CCDC167: variants seen among roughly 807,000 people sequenced by gnomAD.
The protein encoded by CCDC167 is coiled-coil domain containing 167, also known as coiled-coil domain-containing protein 167.
In CCDC167, 15 loss-of-function variants were observed where a neutral mutation model predicts 12.7. The observed-to-expected ratio is 1.18, with a 90% confidence interval of 0.79 to 1.81. CCDC167 has a LOEUF of 1.81. Ranked by LOEUF, CCDC167 falls within the 40% of genes most tolerant of loss-of-function variation. The pLI, the probability that CCDC167 is intolerant of heterozygous loss-of-function variation, is 0.00. For synonymous variants in CCDC167, 52 were observed against 49.0 expected, an observed-to-expected ratio of 1.06 and a Z score of -0.26; for missense variants, 121 against 120.1, an observed-to-expected ratio of 1.01 and a Z score of -0.03.
intron 1 of CCDC167, among the ~76,000 whole-genome samples, chr6:37,492,107 T>C (rs1393814931): frequency 6.6e-6 from 1 of 152,214 alleles, no homozygotes; most frequent in Non-Finnish European, 1.5e-5. Flanking sequence ...CAAGCTCCCT[T>C]GCAGAGGTTT....
chr6:37,485,249 C>G, intron 1 of CCDC167, 55 bp from the exon 2 acceptor site: 1 of 1,382,904 alleles, frequency 7.2e-7, no homozygotes, highest in Non-Finnish European at 1.0e-6. Flanking sequence ...TCTCAAAACA[C>G]TGGGACTGGG....
intron 1 of CCDC167, among the ~76,000 whole-genome samples, chr6:37,486,283 G>A (rs1004247355): frequency 2.0e-5 from 3 of 152,238 alleles, no homozygotes; most frequent in Non-Finnish European, 4.4e-5. Context: ...AGAAGTCAGG[G>A]TGGGGCACCC....
At chr6:37,489,212 G>A (rs1233095440) in intron 1 of CCDC167, among the ~76,000 whole-genome samples, 1 of 151,286 alleles carries the variant, frequency 6.6e-6, no homozygotes, top group Non-Finnish European at 1.5e-5. Flanking sequence ...CTCCAGCCTG[G>A]GTGACAGAGC....
chr6:37,493,564 G>A (rs905229025), intron 1 of CCDC167, among the ~76,000 whole-genome samples: 3 of 152,368 alleles, frequency 2.0e-5, no homozygotes, highest in African/African-American at 7.2e-5. Context: ...CCTGCCCAAT[G>A]GCGACCTGTC....
intron 1 of CCDC167, among the ~76,000 whole-genome samples, chr6:37,496,269 C>A (rs1455667944): frequency 6.6e-6 from 1 of 151,904 alleles, no homozygotes; most frequent in African/African-American, 2.4e-5. Context: ...CCCGTCTCTA[C>A]TAAAAATACA....
intron 1 of CCDC167, among the ~76,000 whole-genome samples, chr6:37,485,862 A>G (rs1761936165): frequency 6.6e-6 from 1 of 152,270 alleles, no homozygotes; most frequent in Admixed American, 6.5e-5. Context: ...CCATCAAGGT[A>G]GCAAAATAGT....
At chr6:37,492,574 C>A (rs756202) in intron 1 of CCDC167, among the ~76,000 whole-genome samples, 109,908 of 152,146 alleles carry the variant, frequency 0.72, 40,316 homozygotes, top group African/African-American at 0.83. Context: ...AGTTTGGAGA[C>A]GGAAAAAGGT....
chr6:37,484,567 A>G (rs1761916911), intron 3 of CCDC167, among the ~76,000 whole-genome samples: 1 of 152,158 alleles, frequency 6.6e-6, no homozygotes, highest in Non-Finnish European at 1.5e-5. Context: ...CCACGGCCAC[A>G]TCCCTTCATC....
chr6:37,486,760 G>T (rs1316053176), intron 1 of CCDC167, among the ~76,000 whole-genome samples: 1 of 152,190 alleles, frequency 6.6e-6, no homozygotes, highest in Non-Finnish European at 1.5e-5. Context: ...GAGGCCAAAG[G>T]CCTACCTAGA....
At chr6:37,489,498 C>T (rs1372505095) in intron 1 of CCDC167, among the ~76,000 whole-genome samples, 1 of 152,200 alleles carries the variant, frequency 6.6e-6, no homozygotes, top group African/African-American at 2.4e-5. Flanking sequence ...TGGGGTGGGC[C>T]TCTGGAGCCA....
intron 1 of CCDC167, among the ~76,000 whole-genome samples, 175 bp downstream of exon 1, chr6:37,499,647 C>T (rs1014346587): frequency 6.6e-6 from 1 of 152,170 alleles, no homozygotes; most frequent in African/African-American, 2.4e-5. Flanking sequence ...CTCGGGCTCC[C>T]TGTCCTCCGG....
intron 3 of CCDC167, 37 bp from the exon 4 acceptor site, chr6:37,483,326 G>A (rs1184744712): frequency 7.0e-7 from 1 of 1,425,670 alleles, no homozygotes. Flanking sequence ...AGGACAGGCA[G>A]TTTAGGCCCG....
chr6:37,493,503 T>A (rs975184055), intron 1 of CCDC167, among the ~76,000 whole-genome samples: 3 of 152,252 alleles, frequency 2.0e-5, no homozygotes, highest in African/African-American at 4.8e-5. Flanking sequence ...TTTAGTCTCC[T>A]GACCCCCGTC....
intron 1 of CCDC167, among the ~76,000 whole-genome samples, chr6:37,491,139 G>A (rs1366508068): frequency 6.6e-6 from 1 of 152,212 alleles, no homozygotes; most frequent in Non-Finnish European, 1.5e-5. Flanking sequence ...CTCATGCACA[G>A]ATAACTGCCC....
intron 1 of CCDC167, among the ~76,000 whole-genome samples, chr6:37,491,789 C>T (rs1234946744): frequency 6.6e-6 from 1 of 152,200 alleles, no homozygotes; most frequent in Non-Finnish European, 1.5e-5. Context: ...CCGATTAACT[C>T]ACATAATGCT....
At chr6:37,494,027 C>T (rs1346967620) in intron 1 of CCDC167, among the ~76,000 whole-genome samples, 3 of 151,282 alleles carry the variant, frequency 2.0e-5, no homozygotes, top group Non-Finnish European at 4.4e-5. Context: ...TCCCCTCAGC[C>T]TACCACTTCT....
chr6:37,495,415 TCTC>T (rs2113909949), intron 1 of CCDC167, among the ~76,000 whole-genome samples: 1 of 152,320 alleles, frequency 6.6e-6, no homozygotes, highest in African/African-American at 2.4e-5. Flanking sequence ...CAGTCAAAAT[TCTC>T]CTATCAGTTT....
intron 1 of CCDC167, among the ~76,000 whole-genome samples, 159 bp downstream of exon 1, chr6:37,499,663 C>G (rs570701192): frequency 6.6e-6 from 1 of 152,160 alleles, no homozygotes; most frequent in African/African-American, 2.4e-5. Flanking sequence ...TCCGGGAACC[C>G]CGTGGGCCTT....
At chr6:37,497,684 G>A (rs914654001) in intron 1 of CCDC167, among the ~76,000 whole-genome samples, 4 of 151,938 alleles carry the variant, frequency 2.6e-5, no homozygotes, top group African/African-American at 9.7e-5. Context: ...CAAGACCCCC[G>A]TCTTTACCAA....
Sources: gnomAD v4.1 joint callset for allele counts (sites outside exome capture counted in the v4.1 genomes callset) on GRCh38, gnomAD v4.1.1 for gene constraint, MANE v1.5 for transcripts, NCBI Gene and HGNC (gene_info 2026-07-23, HGNC 2026-07-21) for gene names.